Variants in CYP4V2 observed in about 807,000 individuals in gnomAD.
CYP4V2 encodes cytochrome P450 4V2.
CYP4V2 carries 55 observed loss-of-function variants against 60.8 expected under a neutral mutation model. The observed-to-expected ratio is 0.90, with a 90% CI of 0.73 to 1.13. The LOEUF is 1.13. Ranked by LOEUF, CYP4V2 falls within the 50% of genes most tolerant of loss-of-function variation. The pLI is 0.00. For missense variants in CYP4V2, 675 were observed against 662.9 expected, an observed-to-expected ratio of 1.02 and a Z score of -0.20; for synonymous variants, 239 against 236.8, an observed-to-expected ratio of 1.01 and a Z score of -0.08.
Position 186,201,346 on chromosome 4 carries a change from T to C in CYP4V2, c.987+4T>C. 6.2e-7 allele frequency: 1 copy of C among 1,613,992 alleles called. No homozygotes were observed. Among genetic ancestry groups the C allele is most frequent in the South Asian group, 1.1e-5 (1 of 91,066 alleles). Reference sequence around the variant, plus strand: ...AGTTGACACCTTCATGTTTGAGGTATTGTATATTGTTAGGTTCAGATATCA... The same window carrying C: ...AGTTGACACCTTCATGTTTGAGGTACTGTATATTGTTAGGTTCAGATATCA... On this transcript the variant is annotated splice_donor_region_variant and intron_variant, in intron 7 of 10. Transcript: ENST00000378802.
rs778962474 is a variant in CYP4V2 at position 186,212,589 on chromosome 4, C to G, written c.*1948C>G. The stretch of plus-strand genomic sequence containing the variant: ...TTATTGGAAGAGATTCCTCAGTAAT[C>G]TCCAATCTCTCATAGTGCCTCACAG... On this transcript the variant is annotated 3_prime_UTR_variant, in exon 11 of 11. Transcript: ENST00000378802. 7 of 152,186 alleles carry G rather than the reference C, an allele frequency of 4.6e-5. No individual in the cohort carries two copies. Among genetic ancestry groups the G allele is most frequent in the Non-Finnish European group, 8.8e-5 (6 of 68,036 alleles). 9.4% of individuals were successfully genotyped at this position (152,186 alleles called of 1,614,324 possible).
intron 2 of CYP4V2, 50 bp downstream of exon 2, chr4:186,194,662 G>C: frequency 6.7e-7 from 1 of 1,486,384 alleles, no homozygotes; most frequent in Non-Finnish European, 9.4e-7. Flanking sequence ...CTGACAGTGT[G>C]AGAATCTCAC....
intron 7 of CYP4V2, 69 bp downstream of exon 7, chr4:186,201,411 T>C: frequency 1.3e-6 from 2 of 1,542,130 alleles, no homozygotes; most frequent in Non-Finnish European, 8.9e-7. Flanking sequence ...TTTAGCATTA[T>C]TTTTTAAAAC....
chr4:186,208,948 TTTCCTTCTG>T lies in CYP4V2; in HGVS notation c.1181_1189del (p.Ser394_Pro396del), dbSNP rs1157983196. 6 of 1,614,126 alleles carry T rather than the reference TTTCCTTCTG, an allele frequency of 3.7e-6. No homozygotes were observed. The highest frequency in any genetic ancestry group is 5.1e-6 in the Non-Finnish European group (6 of 1,180,056). The stretch of plus-strand genomic sequence containing the variant: ...TGTTATTAAGGAGACCCTTCGCCTT[TTTCCTTCTG>T]TTCCTTTATTTGCCCGTAGTGTTAG... On this transcript the variant is annotated inframe_deletion, in exon 9 of 11. Transcript: ENST00000378802.
intron 7 of CYP4V2, 146 bp from the exon 8 acceptor site, chr4:186,205,054 G>T: frequency 1.3e-6 from 1 of 790,372 alleles, no homozygotes; most frequent in Non-Finnish European, 2.2e-6. Flanking sequence ...TGTCACCGAG[G>T]CAAGGTGCTG....
In CYP4V2 at chr4:186,197,663, T is replaced by C. The variant is rs1248949522; in HGVS notation, c.674+61T>C. ...TATTGATTTAGGCTTTAAAAATTAT[T>C]GCTAACAATTTCTGCGTTGTATCTT... On this transcript the variant is annotated intron_variant, in intron 5 of 10. Coordinates refer to ENST00000378802, the MANE Select transcript of CYP4V2 (RefSeq NM_207352.4). 4 of 1,545,978 alleles carry C rather than the reference T, an allele frequency of 2.6e-6. No homozygotes were observed. In the East Asian group the frequency reaches 9.0e-5, roughly 35 times the overall value.
rs920871227 is a variant in CYP4V2 at position 186,213,334 on chromosome 4, A to G, written c.*2693A>G. The G allele has an allele frequency of 1.3e-5, 2 of 152,210 alleles. No individual in the cohort carries two copies. The highest frequency in any genetic ancestry group is 2.4e-5 in the African/African-American group (1 of 41,454). 9.4% of individuals were successfully genotyped at this position (152,210 alleles called of 1,614,324 possible). On this transcript the variant is annotated 3_prime_UTR_variant, in exon 11 of 11. Transcript: ENST00000378802. Reference sequence around the variant, plus strand: ...ACGTGTCTCAAGAAAAATAAATTCTATTTTAGATGCAGGTACTGCATTTTA... The same window carrying G: ...ACGTGTCTCAAGAAAAATAAATTCTGTTTTAGATGCAGGTACTGCATTTTA...
At chr4:186,210,444 C>T (rs1259321652) in intron 10 of CYP4V2, 25 bp from the exon 11 acceptor site, 17 of 1,613,756 alleles carry the variant, frequency 1.1e-5, no homozygotes, top group East Asian at 4.5e-5. Context: ...ATAACTAAAG[C>T]GATGGTATCT....
chr4:186,208,128 G>A (rs1369097647), intron 8 of CYP4V2, among the ~76,000 whole-genome samples: 2 of 149,728 alleles, frequency 1.3e-5, no homozygotes, highest in Admixed American at 1.3e-4. Context: ...TCTTTGAAGG[G>A]TATTTGATGG....
At chr4:186,198,168 G>A (rs1025479458) in intron 5 of CYP4V2, among the ~76,000 whole-genome samples, 1 of 152,200 alleles carries the variant, frequency 6.6e-6, no homozygotes, top group African/African-American at 2.4e-5. Context: ...AGTGCATTGA[G>A]CTGAGTATAT....
rs554705292 is a variant in CYP4V2, at chr4:186,192,279, G to A, written c.214+242G>A. 2.9e-6 allele frequency: 2 copies of A among 700,616 alleles called. 1 individual carries two copies. Among genetic ancestry groups the A allele is most frequent in the South Asian group, 3.0e-5 (2 of 66,768 alleles). The allele number at this position is 700,616 out of a possible 1,614,324, so 43.4% of individuals were successfully genotyped here. A position where few individuals can be genotyped will look rare whatever the true frequency, so the allele number is the denominator to read the frequency against. ...CAGGATGCGGTATTTCCAAACCCCT[G>A]CCCTCGGTCTTTTCCCACCTCACCG... is the stretch of plus-strand genomic sequence containing the variant. On this transcript the variant is annotated intron_variant, in intron 1 of 10. Transcript: ENST00000378802.
intron 3 of CYP4V2, 113 bp downstream of exon 3, chr4:186,196,201 CAGAAAGGAGG>C: frequency 1.0e-6 from 1 of 977,066 alleles, no homozygotes; most frequent in Non-Finnish European, 1.6e-6. Context: ...ACTGTTCTCT[CAGAAAGGAGG>C]AGAAAGGCTG....
At chr4:186,210,381 G>C in intron 10 of CYP4V2, 88 bp from the exon 11 acceptor site, 1 of 1,559,274 alleles carries the variant, frequency 6.4e-7, no homozygotes, top group South Asian at 1.1e-5. Context: ...AAAATGTAAA[G>C]TGGCTCGCTT....
chr4:186,204,431 AG>A, intron 7 of CYP4V2: 1 of 61,446 alleles, frequency 1.6e-5, no homozygotes, highest in African/African-American at 3.1e-4. Flanking sequence ...CTGGCGTAAG[AG>A]GTGGAGGTGG....
chr4:186,197,225 G>T, intron 4 of CYP4V2, 95 bp downstream of exon 4: 2 of 1,438,890 alleles, frequency 1.4e-6, no homozygotes, highest in Middle Eastern at 2.2e-4. Context: ...ATGGGGGGAC[G>T]GGAAAGGGTG....
rs72646287 is a variant in CYP4V2, at chr4:186,206,724, G to A, written c.1090+1422G>A. Among the ~76,000 whole-genome samples, 448 of 152,318 alleles carry A rather than the reference G, an allele frequency of 2.9e-3. 2 individuals are homozygous for A. Among genetic ancestry groups the A allele is most frequent in the African/African-American group, 0.01 (435 of 41,570 alleles). ...ACTCATCTCTCATTCACTGGGAGATGAGGATGGAAAAGCAGTTTTGTGTGC... is the reference window on the plus strand; with the variant it reads ...ACTCATCTCTCATTCACTGGGAGATAAGGATGGAAAAGCAGTTTTGTGTGC... On this transcript the variant is annotated intron_variant, in intron 8 of 10. Coordinates refer to ENST00000378802, the MANE Select transcript of CYP4V2 (RefSeq NM_207352.4).
chr4:186,200,871 A>G (rs1736285693), intron 6 of CYP4V2, among the ~76,000 whole-genome samples: 1 of 152,156 alleles, frequency 6.6e-6, no homozygotes, highest in South Asian at 2.1e-4. Context: ...CTAGGGTACT[A>G]TCTAGTAGAC....
At chr4:186,194,186 C>T (rs919909354) in intron 1 of CYP4V2, among the ~76,000 whole-genome samples, 1 of 152,148 alleles carries the variant, frequency 6.6e-6, no homozygotes, top group Non-Finnish European at 1.5e-5. Context: ...TTTACTAGCT[C>T]TGTGATACTG....
intron 7 of CYP4V2, chr4:186,203,800 T>C (rs1472886162): frequency 6.6e-6 from 1 of 152,206 alleles, no homozygotes; most frequent in Admixed American, 6.5e-5. Flanking sequence ...TCAGGACCTG[T>C]AGGCTGTGTC....
Sources: gnomAD v4.1 joint callset for allele counts (sites outside exome capture counted in the v4.1 genomes callset) on GRCh38, gnomAD v4.1.1 for gene constraint, MANE v1.5 for transcripts, NCBI Gene and HGNC (gene_info 2026-07-23, HGNC 2026-07-21) for gene names.